The following ANKRD62 variants were observed in gnomAD, a reference collection of about 807,000 sequenced individuals.
ANKRD62 encodes ankyrin repeat domain 62.
Under a neutral mutation model 98.8 loss-of-function variants are expected in ANKRD62, and 61 were observed. The observed-to-expected ratio is 0.62, with a 90% CI of 0.50 to 0.76. ANKRD62 has a LOEUF of 0.76. Ranked by LOEUF, ANKRD62 falls within the 30% of genes least tolerant of loss-of-function variation. The pLI, the probability that ANKRD62 is intolerant of heterozygous loss-of-function variation, is 0.00. For synonymous variants in ANKRD62, 341 were observed against 367.9 expected (o/e 0.93, Z 0.84); for missense variants, 933 against 1,082.9 (o/e 0.86, Z 1.94).
chr18:12,156,237 T>G, the ANKRD62 span, among the ~76,000 whole-genome samples: 1 of 152,150 alleles, frequency 6.6e-6, no homozygotes, highest in South Asian at 2.1e-4. Context: ...TGCAGAACCA[T>G]AAACCAAATA....
chr18:12,096,157 TA>T, intron 3 of ANKRD62, 38 bp from the exon 4 acceptor site: 1 of 1,326,562 alleles, frequency 7.5e-7, no homozygotes, highest in East Asian at 2.5e-5. Context: ...GGGAAGTATG[TA>T]ATTTTGTGAA....
chr18:12,170,216 G>T, the ANKRD62 span, among the ~76,000 whole-genome samples: 2 of 152,126 alleles, frequency 1.3e-5, no homozygotes, highest in Non-Finnish European at 2.9e-5. Flanking sequence ...TTTTAATTGT[G>T]ATGTTAGGGT....
the ANKRD62 span, among the ~76,000 whole-genome samples, chr18:12,140,761 G>C: frequency 6.6e-6 from 1 of 152,282 alleles, no homozygotes; most frequent in East Asian, 1.9e-4. Flanking sequence ...GCCCCTAGTT[G>C]GGGGTGCCTC....
the ANKRD62 span, among the ~76,000 whole-genome samples, chr18:12,165,181 G>C: frequency 6.6e-6 from 1 of 151,852 alleles, no homozygotes; most frequent in Admixed American, 6.6e-5. Context: ...GATAAAGTGT[G>C]CTTCTTGTAG....
chr18:12,139,011 T>C, the ANKRD62 span, among the ~76,000 whole-genome samples: 2 of 152,218 alleles, frequency 1.3e-5, no homozygotes. Flanking sequence ...TGCCAGTCTG[T>C]GCCTTTTAAT....
At chr18:12,135,000 G>C in the ANKRD62 span, among the ~76,000 whole-genome samples, 1,037 of 151,924 alleles carry the variant, frequency 6.8e-3, 19 homozygotes, top group African/African-American at 0.024. Context: ...CAGTGTAAAA[G>C]TGTTCCTATT....
chr18:12,105,483 T>G (rs1182620070), intron 7 of ANKRD62, among the ~76,000 whole-genome samples: 1 of 152,210 alleles, frequency 6.6e-6, no homozygotes, highest in African/African-American at 2.4e-5. Context: ...AGGTGCACAG[T>G]ATGAGCTGTC....
intron 6 of ANKRD62, chr18:12,102,929 C>A: frequency 1.9e-6 from 1 of 532,226 alleles, no homozygotes; most frequent in Non-Finnish European, 2.8e-6. Context: ...AGATGTTGGT[C>A]TATGGCTTGA....
chr18:12,121,337 A>C (rs1250792066), intron 10 of ANKRD62, among the ~76,000 whole-genome samples: 1 of 152,134 alleles, frequency 6.6e-6, no homozygotes, highest in Non-Finnish European at 1.5e-5. Flanking sequence ...CCTGTGAAGT[A>C]TGAGTGTTTT....
At chr18:12,141,346 A>G in the ANKRD62 span, among the ~76,000 whole-genome samples, 1 of 152,282 alleles carries the variant, frequency 6.6e-6, no homozygotes, top group East Asian at 1.9e-4. Flanking sequence ...CACACGGTGC[A>G]CTGCACCCAC....
Position 12,124,305 on chromosome 18 carries a change from A to T in ANKRD62, c.1623A>T (p.Arg541Ser). 8.5e-7 allele frequency: 1 copy of T among 1,181,866 alleles called. No homozygotes were observed. Among genetic ancestry groups the T allele is most frequent in the South Asian group, 1.6e-5 (1 of 60,824 alleles). The allele number at this position is 1,181,866 out of a possible 1,614,324, so 73.2% of individuals were successfully genotyped here. The change falls in exon 12 of 14, where the codon AGA becomes AGT. Residue 541 changes from arginine to serine, a missense_variant. By Grantham distance (110) the Arg-to-Ser change is moderately radical (BLOSUM62 -1). Coordinates refer to ENST00000587848, the MANE Select transcript of ANKRD62 (RefSeq NM_001277333.2). ...TGGAAGTGGAATTGAAGACTGTAAG[A>T]AGTAACTCAAATCAGGTAAATTAAT... ...KSLEVELKTV[R>S]SNSNQNFHTH...
At chr18:12,156,929 C>T in the ANKRD62 span, among the ~76,000 whole-genome samples, 1 of 152,050 alleles carries the variant, frequency 6.6e-6, no homozygotes, top group Non-Finnish European at 1.5e-5. Context: ...ATGATAACTT[C>T]CTCTCTCACT....
rs1387391943 is a variant in ANKRD62, at chr18:12,107,308, TGAA to T, written c.909_911del (p.Lys304del). 2 of 1,486,722 alleles carry T rather than the reference TGAA, an allele frequency of 1.3e-6. No individual in the cohort carries two copies. The highest frequency in any genetic ancestry group is 1.8e-6 in the Non-Finnish European group (2 of 1,125,680). 92.1% of individuals were successfully genotyped at this position (1,486,722 alleles called of 1,614,324 possible). On this transcript the variant is annotated inframe_deletion, in exon 8 of 14. Transcript: ENST00000587848. ...CTTTCATTGAAGGTTGAAGAAAAAA[TGAA>T]GAAATGCAGAAATAAGAAAATGGAA...
At chr18:12,103,862 G>C (rs1300708519) in intron 7 of ANKRD62, among the ~76,000 whole-genome samples, 3 of 151,976 alleles carry the variant, frequency 2.0e-5, no homozygotes, top group Non-Finnish European at 4.4e-5. Context: ...GTCATTTGTG[G>C]ACCTGAAAAT....
chr18:12,111,751 A>G (rs1187998493), intron 8 of ANKRD62, among the ~76,000 whole-genome samples: 1 of 152,174 alleles, frequency 6.6e-6, no homozygotes, highest in Admixed American at 6.5e-5. Context: ...TACCATTCCC[A>G]TAGACCAACA....
chr18:12,133,332 G>A (rs1910033995), downstream of ANKRD62, among the ~76,000 whole-genome samples: 1 of 152,080 alleles, frequency 6.6e-6, no homozygotes. Flanking sequence ...CATTTCGATT[G>A]TTTCCAGGTT....
In ANKRD62 at chr18:12,125,643, A is replaced by C; in HGVS notation, c.1822A>C (p.Lys608Gln). The change falls in exon 13 of 14, where the codon AAG becomes CAG. Residue 608 changes from lysine to glutamine, a missense_variant. By Grantham distance (53) the Lys-to-Gln change is moderately conservative. Around this residue, in one of 3 missense-constraint regions of ANKRD62, gnomAD observed 362 missense variants for 434.5 expected, o/e 0.83. Coordinates refer to ENST00000587848, the MANE Select transcript of ANKRD62 (RefSeq NM_001277333.2). Reference sequence around the variant, plus strand: ...CAATGAAGACCTTGAAAAGACTCTCAAGCGGAATGAGGAAGCATTAACAAA... The same window carrying C: ...CAATGAAGACCTTGAAAAGACTCTCCAGCGGAATGAGGAAGCATTAACAAA... Reference protein sequence around the residue: ...ENNEDLEKTLKRNEEALTKTI... With the variant: ...ENNEDLEKTLQRNEEALTKTI... 2.0e-6 allele frequency: 3 copies of C among 1,530,034 alleles called. No individual in the cohort carries two copies. Among genetic ancestry groups the C allele is most frequent in the Non-Finnish European group, 2.6e-6 (3 of 1,145,212 alleles). The allele number at this position is 1,530,034 out of a possible 1,614,324, so 94.8% of individuals were successfully genotyped here. A position where few individuals can be genotyped will look rare whatever the true frequency, so the allele number is the denominator to read the frequency against.
At chr18:12,152,181 A>G in the ANKRD62 span, among the ~76,000 whole-genome samples, 3 of 147,482 alleles carry the variant, frequency 2.0e-5, no homozygotes, top group African/African-American at 7.4e-5. Context: ...TGCTTCCAAA[A>G]AAAAAAAAAA....
intron 10 of ANKRD62, among the ~76,000 whole-genome samples, chr18:12,118,478 G>A (rs866887794): frequency 9.9e-5 from 15 of 151,890 alleles, no homozygotes; most frequent in Middle Eastern, 3.4e-3. Flanking sequence ...GTGTGGTGGC[G>A]GGCGCCTGTA....
Sources: gnomAD v4.1 joint callset for allele counts (sites outside exome capture counted in the v4.1 genomes callset) on GRCh38, gnomAD v4.1.1 for gene constraint, gnomAD v4.1.1 regional missense constraint, MANE v1.5 for transcripts, NCBI Gene and HGNC (gene_info 2026-07-23, HGNC 2026-07-21) for gene names.